The following ZFP1 variants were observed in gnomAD, a reference collection of about 807,000 sequenced individuals.
ZFP1 encodes ZFP1 zinc finger protein.
In ZFP1, 32 loss-of-function variants were observed where a neutral mutation model predicts 38.5. The observed-to-expected ratio is 0.83, with a 90% confidence interval of 0.63 to 1.12. The LOEUF is 1.12. Among genes scored for constraint, ZFP1 ranks in the 50% most tolerant of loss-of-function variants. The pLI, the probability that ZFP1 is intolerant of heterozygous loss-of-function variation, is 0.00. For missense variants in ZFP1, 616 were observed against 480.8 expected (o/e 1.28, Z -2.63); for synonymous variants, 245 against 168.8 (o/e 1.45, Z -3.50).
chr16:75,160,161 C>T lies in ZFP1; in HGVS notation c.16-6609C>T, dbSNP rs577227213. On this transcript the variant is annotated intron_variant, in intron 2 of 3. Transcript: ENST00000570010. ...TAAGGCTTCTCTATGGCTTCTGTAG[C>T]GCCATCATCCTATGTCTTACTCCAT... 3.9e-5 allele frequency among the ~76,000 whole-genome samples: 6 copies of T among 152,186 alleles called. No homozygotes were observed. The South Asian group carries it at 8.3e-4, about 21-fold the overall frequency.
chr16:75,163,681 G>T lies in ZFP1; in HGVS notation c.16-3089G>T, dbSNP rs1047384096. Among the ~76,000 whole-genome samples, 9 of 151,058 alleles carry T rather than the reference G, an allele frequency of 6.0e-5. No homozygotes were observed. In the East Asian group the frequency reaches 1.6e-3, roughly 26 times the overall value. ...GGCTGAAGTGCAGTGGCATGATCAC[G>T]GTTCACTGTAGCCTTGACCTCCCAG... is the stretch of plus-strand genomic sequence containing the variant. On this transcript the variant is annotated intron_variant, in intron 2 of 3. Transcript: ENST00000570010.
chr16:75,166,953 C>CT, intron 3 of ZFP1, 57 bp downstream of exon 3: 1 of 1,564,778 alleles, frequency 6.4e-7, no homozygotes, highest in Non-Finnish European at 8.7e-7. Context: ...TATGTCCTGT[C>CT]TCAGTGACCA....
At chr16:75,133,270 C>T in the ZFP1 span, among the ~76,000 whole-genome samples, 1 of 152,300 alleles carries the variant, frequency 6.6e-6, no homozygotes, top group Admixed American at 6.5e-5. Context: ...GCCACCGTGC[C>T]TGGCCTTTAA....
the ZFP1 span, among the ~76,000 whole-genome samples, chr16:75,131,939 G>A: frequency 2.0e-5 from 3 of 151,566 alleles, no homozygotes; most frequent in Admixed American, 6.6e-5. Flanking sequence ...TACTCCAGCC[G>A]GGACGACAGA....
At chr16:75,128,199 T>G in the ZFP1 span, among the ~76,000 whole-genome samples, 2 of 152,196 alleles carry the variant, frequency 1.3e-5, no homozygotes, top group African/African-American at 4.8e-5. Context: ...AAGTAAAGAA[T>G]GTCACTGTGG....
chr16:75,169,623 TTTTAAACATCAG>T lies in ZFP1; in HGVS notation c.514_525del (p.Phe172_Gln175del). 1 of 1,592,620 alleles carries T rather than the reference TTTTAAACATCAG, an allele frequency of 6.3e-7. No homozygotes were observed. ...AAGCCCTCAGCCATAAAGCAGCCAT[TTTTAAACATCAG>T]AAAATAAAAAACTTGGTTCAACCTT... On this transcript the variant is annotated inframe_deletion, in exon 4 of 4. Transcript: ENST00000570010.
At chr16:75,169,208 C>G (rs370228453) in intron 3 of ZFP1, 45 bp from the exon 4 acceptor site, 2 of 1,550,330 alleles carry the variant, frequency 1.3e-6, no homozygotes, top group African/African-American at 2.8e-5. Context: ...AACATTATAG[C>G]GGAGGCATTG....
In ZFP1 at chr16:75,169,872, C is replaced by T; in HGVS notation, c.762C>T (p.Asn254=). The part of the protein sequence containing the change: ...ECGKAFTHQS[N]LIVHQRAHME... ...GAAAAGCTTTCACCCACCAGTCAAA[C>T]CTCATTGTACACCAGAGAGCACATA... The change falls in exon 4 of 4, where the codon AAC becomes AAT. Residue 254 remains asparagine (N), a synonymous_variant. Coordinates refer to ENST00000570010, the MANE Select transcript of ZFP1 (RefSeq NM_153688.4). The T allele has an allele frequency of 6.2e-7, 1 of 1,614,178 alleles. No individual in the cohort carries two copies. The highest frequency in any genetic ancestry group is 1.1e-5 in the South Asian group (1 of 91,082).
At chr16:75,154,677 A>AG (rs1265641622) in intron 2 of ZFP1, among the ~76,000 whole-genome samples, 2 of 149,436 alleles carry the variant, frequency 1.3e-5, no homozygotes, top group South Asian at 2.2e-4. Flanking sequence ...AGACAGAGGG[A>AG]GGGGGGCTCC....
the ZFP1 span, among the ~76,000 whole-genome samples, chr16:75,128,641 CT>C: frequency 3.3e-3 from 505 of 152,246 alleles, 2 homozygotes; most frequent in African/African-American, 0.012. Flanking sequence ...ATTTTTCCTT[CT>C]TTTTTTCCCC....
the ZFP1 span, chr16:75,119,648 T>C: frequency 2.6e-5 from 4 of 152,232 alleles, no homozygotes; most frequent in African/African-American, 9.6e-5. Context: ...TCTTAATTTC[T>C]CCTTACCACT....
the ZFP1 span, among the ~76,000 whole-genome samples, chr16:75,135,349 AAC>A: frequency 6.6e-6 from 1 of 152,288 alleles, no homozygotes; most frequent in East Asian, 1.9e-4. Flanking sequence ...AACACAAAAT[AAC>A]ACAGAGGAAC....
the ZFP1 span, among the ~76,000 whole-genome samples, chr16:75,142,783 A>G: frequency 1.3e-5 from 2 of 152,106 alleles, no homozygotes; most frequent in Non-Finnish European, 2.9e-5. Context: ...GCTCACTGCA[A>G]CCTTGGCCTC....
the ZFP1 span, among the ~76,000 whole-genome samples, chr16:75,128,300 G>A: frequency 1.3e-5 from 2 of 152,266 alleles, no homozygotes; most frequent in South Asian, 4.1e-4. Flanking sequence ...TCATGGCTGG[G>A]CTCGGCTTTA....
the ZFP1 span, among the ~76,000 whole-genome samples, chr16:75,139,390 A>AAAC: frequency 7.6e-6 from 1 of 131,316 alleles, no homozygotes; most frequent in Non-Finnish European, 1.5e-5. Flanking sequence ...AAAAAAAAAA[A>AAAC]AAAAAACACC....
At chr16:75,163,208 A>G (rs1043440197) in intron 2 of ZFP1, among the ~76,000 whole-genome samples, 1 of 151,346 alleles carries the variant, frequency 6.6e-6, no homozygotes, top group Non-Finnish European at 1.5e-5. Context: ...CGCCCGGCCA[A>G]TGTTTTTTAT....
the ZFP1 span, among the ~76,000 whole-genome samples, chr16:75,124,498 A>T: frequency 6.9e-6 from 1 of 145,692 alleles, no homozygotes; most frequent in Non-Finnish European, 1.5e-5. Context: ...AACAAGGTAA[A>T]AGGGGCCGGG....
the ZFP1 span, among the ~76,000 whole-genome samples, chr16:75,142,709 T>G: frequency 6.6e-6 from 1 of 152,198 alleles, no homozygotes; most frequent in Non-Finnish European, 1.5e-5. Context: ...TTTATCTATA[T>G]TTTTATTTTT....
At chr16:75,168,384 T>C (rs1029278835) in intron 3 of ZFP1, among the ~76,000 whole-genome samples, 1 of 151,636 alleles carries the variant, frequency 6.6e-6, no homozygotes, top group Admixed American at 6.6e-5. Flanking sequence ...CCTGGAATAT[T>C]GAGAGTATCC....
Sources: gnomAD v4.1 joint callset for allele counts (sites outside exome capture counted in the v4.1 genomes callset) on GRCh38, gnomAD v4.1.1 for gene constraint, MANE v1.5 for transcripts, NCBI Gene and HGNC (gene_info 2026-07-23, HGNC 2026-07-21) for gene names.